Variants in CCDC178 observed in about 807,000 individuals in gnomAD.
The protein encoded by CCDC178 is coiled-coil domain containing 178.
A neutral mutation model predicts 117.4 loss-of-function variants in CCDC178; 126 were observed. The ratio of observed to expected loss-of-function variants is 1.07; its 90% CI spans 0.93 to 1.24. The LOEUF (loss-of-function observed/expected upper bound fraction) is 1.24, where lower values mean the gene tolerates loss of function less well. Ranked by LOEUF, CCDC178 falls within the 50% of genes most tolerant of loss-of-function variation. CCDC178 has a pLI of 0.00. For synonymous variants in CCDC178, 283 were observed against 313.4 expected, an observed-to-expected ratio of 0.90 and a Z score of 1.02; for missense variants, 1,030 against 986.9, an observed-to-expected ratio of 1.04 and a Z score of -0.59.
intron 15 of CCDC178, among the ~76,000 whole-genome samples, chr18:33,236,871 G>C (rs1190515132): frequency 6.6e-6 from 1 of 152,070 alleles, no homozygotes; most frequent in Admixed American, 6.6e-5. Flanking sequence ...TCCCTTTGCA[G>C]GAAAAAGGTA....
In CCDC178 at chr18:33,256,593, T is replaced by C. The variant is rs868551541; in HGVS notation, c.1409+10323A>G. On this transcript the variant is annotated intron_variant, in intron 14 of 22. Coordinates refer to ENST00000383096, the MANE Select transcript of CCDC178 (RefSeq NM_001105528.4). ...ATGTTGTGTGGGATTTATGCTGCTG[T>C]TTGAAGCTGAAAATCTATGTTCTAA... Among the ~76,000 whole-genome samples the C allele has an allele frequency of 2.6e-5, 4 of 152,214 alleles. No homozygotes were observed. In the South Asian group the frequency reaches 8.3e-4, roughly 32 times the overall value.
At chr18:33,410,693 G>A (rs1190313673) in intron 3 of CCDC178, among the ~76,000 whole-genome samples, 5 of 151,976 alleles carry the variant, frequency 3.3e-5, no homozygotes, top group Non-Finnish European at 4.4e-5. Flanking sequence ...TCTCCTCCCC[G>A]TATTCACTTT....
chr18:33,213,389 T>G (rs1000230161), intron 19 of CCDC178, among the ~76,000 whole-genome samples: 1 of 152,002 alleles, frequency 6.6e-6, no homozygotes, highest in Non-Finnish European at 1.5e-5. Context: ...GCCCTGGTTT[T>G]TCCTCTACAT....
chr18:33,138,008 G>T (rs1027108147), intron 20 of CCDC178, among the ~76,000 whole-genome samples: 3 of 152,150 alleles, frequency 2.0e-5, no homozygotes, highest in Admixed American at 2.0e-4. Context: ...TAATCTCAAG[G>T]AATTTGAAGT....
chr18:33,276,359 C>G (rs1372557314), intron 12 of CCDC178, among the ~76,000 whole-genome samples: 1 of 151,948 alleles, frequency 6.6e-6, no homozygotes, highest in Admixed American at 6.6e-5. Context: ...AATTTTAGGA[C>G]AGTTAAACTT....
At chr18:33,328,107 T>G (rs767003203) in intron 10 of CCDC178, 71 of 253,104 alleles carry the variant, frequency 2.8e-4, no homozygotes, top group Middle Eastern at 9.0e-4. Context: ...TTTTTTTTTT[T>G]TTTTTTTTTT....
intron 20 of CCDC178, among the ~76,000 whole-genome samples, chr18:33,161,409 C>T (rs1342044011): frequency 2.6e-5 from 4 of 151,926 alleles, no homozygotes; most frequent in Non-Finnish European, 5.9e-5. Flanking sequence ...TAGTTCTACA[C>T]AATATATGAA....
chr18:33,063,271 G>T (rs767942348), intron 21 of CCDC178, among the ~76,000 whole-genome samples: 2 of 152,078 alleles, frequency 1.3e-5, no homozygotes, highest in Non-Finnish European at 2.9e-5. Context: ...ATCACCATGG[G>T]TGCCCAGCAT....
intron 20 of CCDC178, among the ~76,000 whole-genome samples, chr18:33,158,732 C>T (rs1160102879): frequency 6.6e-6 from 1 of 151,988 alleles, no homozygotes; most frequent in Non-Finnish European, 1.5e-5. Context: ...GTAGGAATTA[C>T]AATGTTATTT....
chr18:33,049,274 A>G (rs2056700781), intron 21 of CCDC178, among the ~76,000 whole-genome samples: 7 of 152,280 alleles, frequency 4.6e-5, no homozygotes, highest in Admixed American at 3.3e-4. Flanking sequence ...ATAATAACTT[A>G]TAAAGATGTT....
intron 21 of CCDC178, among the ~76,000 whole-genome samples, chr18:33,082,113 A>G (rs1395862332): frequency 6.6e-6 from 1 of 152,234 alleles, no homozygotes; most frequent in Non-Finnish European, 1.5e-5. Context: ...GAATTAGTTG[A>G]GGAACCTCCC....
chr18:33,341,808 G>A (rs1190081160), intron 9 of CCDC178, among the ~76,000 whole-genome samples: 1 of 152,032 alleles, frequency 6.6e-6, no homozygotes, highest in African/African-American at 2.4e-5. Flanking sequence ...CCAGTCTCAG[G>A]TATGTCTTTA....
At chr18:33,084,821 AAAAG>A (rs1415136425) in intron 21 of CCDC178, among the ~76,000 whole-genome samples, 26 of 151,952 alleles carry the variant, frequency 1.7e-4, no homozygotes, top group African/African-American at 5.6e-4. Context: ...AAAAAAAAAA[AAAAG>A]AAAGAAAGAT....
chr18:33,246,669 A>G (rs565555152), intron 14 of CCDC178, among the ~76,000 whole-genome samples: 1 of 151,860 alleles, frequency 6.6e-6, no homozygotes, highest in Non-Finnish European at 1.5e-5. Flanking sequence ...GCATAAAACT[A>G]GCTGAAGGTG....
intron 20 of CCDC178, among the ~76,000 whole-genome samples, chr18:33,106,289 T>C (rs1373513269): frequency 6.6e-6 from 1 of 151,576 alleles, no homozygotes; most frequent in East Asian, 1.9e-4. Context: ...TCCTTTCAAT[T>C]TTCCCAAGAA....
At chr18:33,073,793 A>C (rs555453952) in intron 21 of CCDC178, among the ~76,000 whole-genome samples, 1 of 152,298 alleles carries the variant, frequency 6.6e-6, no homozygotes, top group Admixed American at 6.5e-5. Flanking sequence ...ATGAACAAAT[A>C]AACATAAAAT....
chr18:33,202,887 G>T (rs1474343740), intron 20 of CCDC178, among the ~76,000 whole-genome samples: 1 of 152,068 alleles, frequency 6.6e-6, no homozygotes, highest in South Asian at 2.1e-4. Context: ...TAATATAAAA[G>T]CACACTTAGA....
intron 22 of CCDC178, among the ~76,000 whole-genome samples, chr18:32,941,647 C>A (rs546645073): frequency 6.6e-6 from 1 of 152,256 alleles, no homozygotes; most frequent in South Asian, 2.1e-4. Context: ...GCTATTTCAT[C>A]TTTTAGATAA....
At chr18:33,351,182 G>GTA (rs1555690759) in intron 7 of CCDC178, among the ~76,000 whole-genome samples, 2 of 150,736 alleles carry the variant, frequency 1.3e-5, no homozygotes, top group East Asian at 2.0e-4. Context: ...GTGTGTGTGT[G>GTA]TATAGTTTTT....
Sources: allele counts gnomAD v4.1 joint callset (sites outside exome capture counted in the v4.1 genomes callset), GRCh38; gene constraint gnomAD v4.1.1; transcripts MANE v1.5; gene names NCBI Gene and HGNC (gene_info 2026-07-23, HGNC 2026-07-21).